The following UGT1A8 variants were observed in gnomAD, a reference collection of about 807,000 sequenced individuals.
UGT1A8 encodes the protein UDP-glucuronosyltransferase 1A8.
A neutral mutation model predicts 45.3 loss-of-function variants in UGT1A8; 39 were observed. That is an observed-to-expected ratio of 0.86 (90% CI 0.67 to 1.12). The LOEUF (loss-of-function observed/expected upper bound fraction) is 1.12, where lower values mean the gene tolerates loss of function less well. Among genes scored for constraint, UGT1A8 ranks in the 50% most tolerant of loss-of-function variants. The pLI, the probability that UGT1A8 is intolerant of heterozygous loss-of-function variation, is 0.00. For missense variants in UGT1A8, 719 were observed against 664.9 expected (o/e 1.08, Z -0.90); for synonymous variants, 275 against 249.2 (o/e 1.10, Z -0.97).
At chr2:233,636,811 C>T (rs1354408501) in intron 1 of UGT1A8, 3 of 1,614,210 alleles carry the variant, frequency 1.9e-6, no homozygotes, top group Middle Eastern at 1.6e-4. Flanking sequence ...CGCCCATGCT[C>T]AATGGAAAGC....
At position 233,681,857 on chromosome 2, in the gene UGT1A8, A is replaced by G. The variant is rs189655605; in HGVS notation, c.855+63295A>G. The G allele has an allele frequency of 2.2e-3, 3,379 of 1,522,408 alleles. 4 individuals are homozygous for G. Among genetic ancestry groups the G allele is most frequent in the Non-Finnish European group, 2.7e-3 (3,111 of 1,137,804 alleles). 94.3% of individuals were successfully genotyped at this position (1,522,408 alleles called of 1,614,324 possible). A position where few individuals can be genotyped will look rare whatever the true frequency, so the allele number is the denominator to read the frequency against. On this transcript the variant is annotated intron_variant, in intron 1 of 4. Transcript: ENST00000373450. ...TAAGTACACGCCTTCTTTTGAGGGC[A>G]GGTTCTATCTGTACTTCTTCCACTT...
chr2:233,742,906 T>G (rs1484146320), intron 1 of UGT1A8: 79 of 166,834 alleles, frequency 4.7e-4, no homozygotes, highest in Non-Finnish European at 5.6e-4. Context: ...AAAAAGGTAA[T>G]GCTCAAAGTG....
intron 1 of UGT1A8, among the ~76,000 whole-genome samples, chr2:233,738,578 G>A (rs893369002): frequency 6.6e-6 from 1 of 152,224 alleles, no homozygotes; most frequent in African/African-American, 2.4e-5. Context: ...GAGAACTGGA[G>A]CAAAGGTCAC....
intron 1 of UGT1A8, among the ~76,000 whole-genome samples, chr2:233,746,366 TC>T (rs2125877621): frequency 6.6e-6 from 1 of 151,852 alleles, no homozygotes; most frequent in East Asian, 1.9e-4. Context: ...TAGTAACAAG[TC>T]CCTTCATTCT....
intron 1 of UGT1A8, among the ~76,000 whole-genome samples, chr2:233,643,953 C>T (rs1489143187): frequency 6.6e-6 from 1 of 152,190 alleles, no homozygotes; most frequent in Admixed American, 6.5e-5. Context: ...ACTTTTCCCT[C>T]TCCTCTCCTC....
chr2:233,712,538 G>A (rs752556206), intron 1 of UGT1A8, among the ~76,000 whole-genome samples: 4 of 152,164 alleles, frequency 2.6e-5, no homozygotes, highest in Non-Finnish European at 5.9e-5. Flanking sequence ...ACCCATATGT[G>A]GGAAGAAAGA....
chr2:233,746,674 G>T (rs1328656193), intron 1 of UGT1A8, among the ~76,000 whole-genome samples: 1 of 151,722 alleles, frequency 6.6e-6, no homozygotes, highest in South Asian at 2.1e-4. Context: ...TAGCATAGTA[G>T]GTAGGGCTCA....
In UGT1A8 at chr2:233,768,066, C is replaced by T; in HGVS notation, c.1075+130C>T. The T allele has an allele frequency of 1.9e-6, 3 of 1,597,468 alleles. No homozygotes were observed. In the Admixed American group the frequency reaches 5.2e-5, roughly 28 times the overall value. On this transcript the variant is annotated intron_variant, in intron 3 of 4. Coordinates refer to ENST00000373450, the MANE Select transcript of UGT1A8 (RefSeq NM_019076.5). ...CAACATATCCTACATTGCTTTTTAT[C>T]TAGTGGGGTATCTCAACCCACATTT...
At chr2:233,629,033 T>C (rs1180760101) in intron 1 of UGT1A8, among the ~76,000 whole-genome samples, 5 of 152,130 alleles carry the variant, frequency 3.3e-5, no homozygotes, top group African/African-American at 1.2e-4. Context: ...TTCACATTGC[T>C]GTGCAACCAA....
Position 233,618,048 on chromosome 2 carries a change from A to T in UGT1A8, c.341A>T (p.Asn114Ile). ...SLFSLFLSSS[N>I]GFFNLFFSHC... ...TTTTCTCTATTTCTGAGTTCATCCA[A>T]TGGTTTTTTTAACTTATTTTTTTCG... Residue 114 changes from asparagine (N) to isoleucine (I), a missense_variant, in exon 1 of 5, where the codon AAT becomes ATT. Asn to Ile is a moderately radical substitution (Grantham distance 149, BLOSUM62 -3). Transcript: ENST00000373450. The T allele has an allele frequency of 1.2e-6, 2 of 1,614,044 alleles. No individual in the cohort carries two copies. The highest frequency in any genetic ancestry group is 1.7e-6 in the Non-Finnish European group (2 of 1,180,014).
chr2:233,760,536 C>T (rs2125985634), intron 1 of UGT1A8: 27 of 1,614,224 alleles, frequency 1.7e-5, no homozygotes, highest in Non-Finnish European at 2.3e-5. Flanking sequence ...CTGTGCCATT[C>T]CAAAGGGAGG....
intron 1 of UGT1A8, among the ~76,000 whole-genome samples, chr2:233,640,841 TG>T (rs2073432149): frequency 6.6e-6 from 1 of 152,118 alleles, no homozygotes; most frequent in Non-Finnish European, 1.5e-5. Context: ...TTGTCATTGT[TG>T]CTATGTCAGG....
chr2:233,724,357 C>G (rs1187389478), intron 1 of UGT1A8, among the ~76,000 whole-genome samples: 134 of 144,268 alleles, frequency 9.3e-4, no homozygotes, highest in African/African-American at 3.3e-3. Context: ...CCACCTCCCT[C>G]CCGGACGGGG....
At chr2:233,685,277 C>T (rs1304210883) in intron 1 of UGT1A8, among the ~76,000 whole-genome samples, 1 of 152,148 alleles carries the variant, frequency 6.6e-6, no homozygotes, top group African/African-American at 2.4e-5. Flanking sequence ...AAGTGATCCG[C>T]CCGCCTCCGC....
At chr2:233,713,179 T>G in intron 1 of UGT1A8, 1 of 1,614,174 alleles carries the variant, frequency 6.2e-7, no homozygotes, top group Middle Eastern at 1.6e-4. Flanking sequence ...GTCCTCACCC[T>G]GGAGGTGAAT....
At chr2:233,660,150 T>C (rs1480211829) in intron 1 of UGT1A8, among the ~76,000 whole-genome samples, 2 of 152,230 alleles carry the variant, frequency 1.3e-5, no homozygotes, top group African/African-American at 4.8e-5. Context: ...TAATGTATTG[T>C]TTAGGGCTTG....
At position 233,741,549 on chromosome 2, in the gene UGT1A8, A is replaced by G. The variant is rs1414651717; in HGVS notation, c.856-25485A>G. 1.3e-5 allele frequency: 2 copies of G among 151,888 alleles called. 1 individual carries two copies. The highest frequency in any genetic ancestry group is 4.9e-5 in the African/African-American group (2 of 41,148). 9.4% of individuals were successfully genotyped at this position (151,888 alleles called of 1,614,324 possible). A position where few individuals can be genotyped will look rare whatever the true frequency, so the allele number is the denominator to read the frequency against. ...TCTGTCTTATTCTGATACTTCTTTT[A>G]TGGTTATTGTATGAGAATCAACTAC... On this transcript the variant is annotated intron_variant, in intron 1 of 4. Transcript: ENST00000373450.
intron 1 of UGT1A8, among the ~76,000 whole-genome samples, chr2:233,730,279 A>G (rs1016900889): frequency 6.6e-6 from 1 of 152,176 alleles, no homozygotes; most frequent in Non-Finnish European, 1.5e-5. Flanking sequence ...TAAAGGCACC[A>G]TCTTCATGGT....
intron 1 of UGT1A8, among the ~76,000 whole-genome samples, chr2:233,659,311 A>G (rs1266841493): frequency 6.6e-6 from 1 of 152,212 alleles, no homozygotes; most frequent in Non-Finnish European, 1.5e-5. Context: ...TAACTTAACT[A>G]TTAATAGCCT....
Sources: allele counts gnomAD v4.1 joint callset (sites outside exome capture counted in the v4.1 genomes callset), GRCh38; gene constraint gnomAD v4.1.1; transcripts MANE v1.5; gene names NCBI Gene and HGNC (gene_info 2026-07-23, HGNC 2026-07-21).